PTPRT: variants seen among roughly 807,000 people sequenced by gnomAD.
PTPRT encodes protein tyrosine phosphatase receptor type T, also known as receptor-type tyrosine-protein phosphatase T.
PTPRT carries 56 observed loss-of-function variants against 176.8 expected under a neutral mutation model. That is an observed-to-expected ratio of 0.32 (90% CI 0.26 to 0.40). The LOEUF is 0.40. Among genes scored for constraint, PTPRT ranks in the 10% least tolerant of loss-of-function variants. PTPRT has a pLI of 1.00. For missense variants in PTPRT, 1,540 were observed against 1,908.2 expected, an observed-to-expected ratio of 0.81 and a Z score of 3.60; for synonymous variants, 783 against 739.0, an observed-to-expected ratio of 1.06 and a Z score of -0.96.
chr20:43,035,043 C>T (rs1300824525), intron 1 of PTPRT, among the ~76,000 whole-genome samples: 1 of 152,050 alleles, frequency 6.6e-6, no homozygotes, highest in African/African-American at 2.4e-5. Flanking sequence ...GGAGTCACAG[C>T]AGAATAAACA....
chr20:42,818,529 T>G (rs866504221), intron 2 of PTPRT, among the ~76,000 whole-genome samples: 1 of 152,168 alleles, frequency 6.6e-6, no homozygotes, highest in African/African-American at 2.4e-5. Context: ...TAAAACTGGA[T>G]GGAGGATCAG....
chr20:42,584,382 A>G (rs1391267727), intron 7 of PTPRT, among the ~76,000 whole-genome samples: 2 of 151,936 alleles, frequency 1.3e-5, no homozygotes, highest in African/African-American at 4.8e-5. Flanking sequence ...CATACCAAAC[A>G]TGGTCCTCCC....
intron 12 of PTPRT, among the ~76,000 whole-genome samples, chr20:42,314,765 T>C (rs919485968): frequency 6.6e-6 from 1 of 151,776 alleles, no homozygotes; most frequent in East Asian, 1.9e-4. Flanking sequence ...ATGCTAAGAG[T>C]GTGAATCAAG....
chr20:42,838,761 A>C (rs1326344710), intron 2 of PTPRT, among the ~76,000 whole-genome samples: 2 of 152,194 alleles, frequency 1.3e-5, no homozygotes, highest in African/African-American at 4.8e-5. Flanking sequence ...ATTCCAATAC[A>C]AATTGGTGAC....
At chr20:42,206,302 G>A (rs1310458419) in intron 15 of PTPRT, among the ~76,000 whole-genome samples, 1 of 152,230 alleles carries the variant, frequency 6.6e-6, no homozygotes, top group African/African-American at 2.4e-5. Context: ...AATAGGAACA[G>A]CTCTGGTCTA....
At chr20:43,071,686 G>A (rs1201673476) in intron 1 of PTPRT, among the ~76,000 whole-genome samples, 2 of 144,420 alleles carry the variant, frequency 1.4e-5, no homozygotes, top group Non-Finnish European at 2.9e-5. Flanking sequence ...TCGGGAGGCT[G>A]AGTCAGGAGA....
At chr20:42,819,747 A>AT (rs376176448) in intron 2 of PTPRT, among the ~76,000 whole-genome samples, 26 of 152,078 alleles carry the variant, frequency 1.7e-4, no homozygotes, top group African/African-American at 4.8e-4. Context: ...AAAAATAAAA[A>AT]AAAATAAAAA....
chr20:42,183,834 G>A (rs565267128), intron 16 of PTPRT, among the ~76,000 whole-genome samples: 5 of 152,234 alleles, frequency 3.3e-5, no homozygotes, highest in Admixed American at 1.3e-4. Context: ...TCTGAGCCTA[G>A]TTTTTAGGAG....
chr20:42,899,988 CAA>C (rs915155794), intron 1 of PTPRT, among the ~76,000 whole-genome samples: 2 of 152,226 alleles, frequency 1.3e-5, no homozygotes, highest in African/African-American at 4.8e-5. Context: ...ATTCAATCCT[CAA>C]AAGAGCCCCA....
chr20:42,261,308 T>C (rs1415773939), intron 13 of PTPRT, among the ~76,000 whole-genome samples: 2 of 152,120 alleles, frequency 1.3e-5, no homozygotes, highest in East Asian at 1.9e-4. Flanking sequence ...TGTCTTTACA[T>C]GATGTTTTTC....
intron 7 of PTPRT, among the ~76,000 whole-genome samples, chr20:42,532,186 C>T (rs1431725179): frequency 1.3e-5 from 2 of 152,080 alleles, no homozygotes; most frequent in Non-Finnish European, 1.5e-5. Context: ...AGGTCAGCTG[C>T]CATGGGTCCA....
chr20:42,827,039 A>C (rs2078006245), intron 2 of PTPRT, among the ~76,000 whole-genome samples: 1 of 152,188 alleles, frequency 6.6e-6, no homozygotes, highest in Non-Finnish European at 1.5e-5. Context: ...CACCCAACAC[A>C]GGAGCACCTA....
intron 1 of PTPRT, among the ~76,000 whole-genome samples, chr20:43,099,440 C>T (rs2012303499): frequency 6.6e-6 from 1 of 152,166 alleles, no homozygotes; most frequent in South Asian, 2.1e-4. Flanking sequence ...AGTCTGTGTA[C>T]TCTGGGCTAA....
chr20:42,112,915 G>A (rs1459809441), intron 22 of PTPRT, among the ~76,000 whole-genome samples: 5 of 152,116 alleles, frequency 3.3e-5, no homozygotes, highest in South Asian at 2.1e-4. Flanking sequence ...CTTTTTTCAC[G>A]CCATCCTCCA....
chr20:42,311,166 G>A (rs1434273336), intron 12 of PTPRT, among the ~76,000 whole-genome samples: 5 of 152,076 alleles, frequency 3.3e-5, no homozygotes, highest in African/African-American at 1.2e-4. Flanking sequence ...ATGAAAACAC[G>A]ATGAGATCAG....
At chr20:42,530,047 G>A (rs996769203) in intron 7 of PTPRT, among the ~76,000 whole-genome samples, 1 of 152,050 alleles carries the variant, frequency 6.6e-6, no homozygotes, top group African/African-American at 2.4e-5. Flanking sequence ...TGTTACATTG[G>A]GTTGTGTTGA....
Position 43,011,251 on chromosome 20 carries a change from A to C in PTPRT, c.89-125319T>G, listed in dbSNP as rs577794926. Among the ~76,000 whole-genome samples the C allele has an allele frequency of 3.3e-5, 5 of 152,270 alleles. No homozygotes were observed. The East Asian group carries it at 9.6e-4, about 29-fold the overall frequency. Reference sequence around the variant, plus strand: ...GAGTCAAGTGTGGCCACCTAAGAAAATGCCCACGCCACAAATGGCCAGAGT... The same window carrying C: ...GAGTCAAGTGTGGCCACCTAAGAAACTGCCCACGCCACAAATGGCCAGAGT... On this transcript the variant is annotated intron_variant, in intron 1 of 30. Transcript: ENST00000373187.
intron 9 of PTPRT, among the ~76,000 whole-genome samples, chr20:42,433,420 C>A (rs1395867036): frequency 6.6e-6 from 1 of 152,164 alleles, no homozygotes; most frequent in Non-Finnish European, 1.5e-5. Flanking sequence ...AGACAGCAGG[C>A]AGGGTATACC....
At chr20:42,689,440 A>G (rs943796498) in intron 6 of PTPRT, among the ~76,000 whole-genome samples, 4 of 152,142 alleles carry the variant, frequency 2.6e-5, no homozygotes, top group Admixed American at 2.6e-4. Flanking sequence ...CTCCACGGAT[A>G]AAACCTCGCA....
Sources: gnomAD v4.1 joint callset for allele counts (sites outside exome capture counted in the v4.1 genomes callset) on GRCh38, gnomAD v4.1.1 for gene constraint, MANE v1.5 for transcripts, NCBI Gene and HGNC (gene_info 2026-07-23, HGNC 2026-07-21) for gene names.